The following RAB31 variants were observed in gnomAD, a reference collection of about 807,000 sequenced individuals.
RAB31 encodes RAB31, member RAS oncogene family, also known as ras-related protein Rab-31.
RAB31 carries 21 observed loss-of-function variants against 25.6 expected under a neutral mutation model. The ratio of observed to expected loss-of-function variants is 0.82; its 90% CI spans 0.58 to 1.18. The LOEUF is 1.18. RAB31 is among the 50% of genes most tolerant of loss of function. The probability of loss-of-function intolerance (pLI) is 0.00; values close to 1 mark genes in which losing one functional copy is unlikely to be tolerated. For synonymous variants in RAB31, 87 were observed against 84.0 expected, an observed-to-expected ratio of 1.04 and a Z score of -0.20; for missense variants, 196 against 250.1, an observed-to-expected ratio of 0.78 and a Z score of 1.46.
rs921518721 is a variant in RAB31 at position 9,777,664 on chromosome 18, G to T, written c.119+2307G>T. ...ATAAGAGTGATTAACTGTGAAGTAT[G>T]GTTCCAGAAGATGGAGGAGAGATTT... On this transcript the variant is annotated intron_variant, in intron 2 of 6. Coordinates refer to ENST00000578921, the MANE Select transcript of RAB31 (RefSeq NM_006868.4). Among the ~76,000 whole-genome samples, 5 of 152,006 alleles carry T rather than the reference G, an allele frequency of 3.3e-5. No individual in the cohort carries two copies. In the East Asian group the frequency reaches 5.8e-4, roughly 18 times the overall value.
At position 9,831,712 on chromosome 18, in the gene RAB31, G is replaced by A. The variant is rs9304046; in HGVS notation, c.381-13870G>A. ...GGAGTGGCCTGAGCTGGGGACTGCC[G>A]TGAACTCTTTCCACTCCCCAAGGCA... On this transcript the variant is annotated intron_variant, in intron 5 of 6. Coordinates refer to ENST00000578921, the MANE Select transcript of RAB31 (RefSeq NM_006868.4). Among the ~76,000 whole-genome samples, 271 of 152,352 alleles carry A rather than the reference G, an allele frequency of 1.8e-3. 1 individual carries two copies. Among genetic ancestry groups the A allele is most frequent in the African/African-American group, 5.9e-3 (245 of 41,580 alleles).
At position 9,790,470 on chromosome 18, in the gene RAB31, A is replaced by G. The variant is rs995780026; in HGVS notation, c.120-1684A>G. On this transcript the variant is annotated intron_variant, in intron 2 of 6. Transcript: ENST00000578921. ...AAGCTGGTCTCGAAACCCTGGCCTCAAGCCATCCTCCTGCTTCAGCTTCCC... is the reference window on the plus strand; with the variant it reads ...AAGCTGGTCTCGAAACCCTGGCCTCGAGCCATCCTCCTGCTTCAGCTTCCC... 5.9e-5 allele frequency among the ~76,000 whole-genome samples: 9 copies of G among 152,080 alleles called. No individual in the cohort carries two copies. The East Asian group carries it at 1.5e-3, about 26-fold the overall frequency.
At chr18:9,782,806 C>G (rs2068411951) in intron 2 of RAB31, among the ~76,000 whole-genome samples, 1 of 152,190 alleles carries the variant, frequency 6.6e-6, no homozygotes, top group Non-Finnish European at 1.5e-5. Context: ...AAGTGATCCT[C>G]CCACCTTAGC....
chr18:9,839,282 T>C (rs915237489), intron 5 of RAB31, among the ~76,000 whole-genome samples: 19 of 152,156 alleles, frequency 1.2e-4, no homozygotes, highest in African/African-American at 4.3e-4. Context: ...CACCAGCAGC[T>C]GATTTAAAAT....
chr18:9,729,079 C>A (rs1377536863), intron 1 of RAB31, among the ~76,000 whole-genome samples: 1 of 152,088 alleles, frequency 6.6e-6, no homozygotes, highest in Non-Finnish European at 1.5e-5. Flanking sequence ...ATTTGTATTG[C>A]ATATGTTTTT....
chr18:9,748,360 G>C (rs1487373195), intron 1 of RAB31, among the ~76,000 whole-genome samples: 1 of 151,762 alleles, frequency 6.6e-6, no homozygotes, highest in Non-Finnish European at 1.5e-5. Context: ...ATAATAATTA[G>C]CCAGGCATGG....
intron 3 of RAB31, among the ~76,000 whole-genome samples, chr18:9,792,592 C>T (rs2068466406): frequency 1.3e-5 from 2 of 152,220 alleles, no homozygotes; most frequent in Admixed American, 1.3e-4. Flanking sequence ...AAAAGCATCT[C>T]TACACCTACC....
chr18:9,738,006 G>C (rs2068159210), intron 1 of RAB31, among the ~76,000 whole-genome samples: 1 of 152,172 alleles, frequency 6.6e-6, no homozygotes, highest in African/African-American at 2.4e-5. Context: ...TTTAAATGAT[G>C]CTTGCTGCTG....
chr18:9,745,346 C>T (rs1025638875), intron 1 of RAB31, among the ~76,000 whole-genome samples: 1 of 152,172 alleles, frequency 6.6e-6, no homozygotes, highest in Non-Finnish European at 1.5e-5. Flanking sequence ...GATCGCTCTA[C>T]TGGTAAATTC....
chr18:9,773,039 C>CTGTG (rs931872780), intron 1 of RAB31, among the ~76,000 whole-genome samples: 1 of 152,146 alleles, frequency 6.6e-6, no homozygotes, highest in African/African-American at 2.4e-5. Flanking sequence ...TCTTTGAACT[C>CTGTG]TGTGCATCGA....
rs1003440387 is a variant in RAB31, at chr18:9,860,142, C to G, written c.*817C>G. The G allele has an allele frequency of 2.0e-5, 3 of 152,164 alleles. No homozygotes were observed. Among genetic ancestry groups the G allele is most frequent in the African/African-American group, 7.2e-5 (3 of 41,440 alleles). 9.4% of individuals were successfully genotyped at this position (152,164 alleles called of 1,614,324 possible). A position where few individuals can be genotyped will look rare whatever the true frequency, so the allele number is the denominator to read the frequency against. ...TCTCCTCCGCAGGAATACATTCGTC[C>G]TCTCTTAGAGAAGTTTAACGCACAT... On this transcript the variant is annotated 3_prime_UTR_variant, in exon 7 of 7. Coordinates refer to ENST00000578921, the MANE Select transcript of RAB31 (RefSeq NM_006868.4).
intron 2 of RAB31, among the ~76,000 whole-genome samples, chr18:9,791,027 C>T (rs951746623): frequency 6.6e-6 from 1 of 152,140 alleles, no homozygotes. Context: ...TCTACTGAGG[C>T]TTTAAAATCC....
intron 5 of RAB31, among the ~76,000 whole-genome samples, chr18:9,843,683 A>G (rs2068746086): frequency 6.6e-6 from 1 of 152,064 alleles, no homozygotes; most frequent in African/African-American, 2.4e-5. Context: ...AATCCCTGTG[A>G]CAGGCCTGGG....
At chr18:9,752,449 T>G (rs933263421) in intron 1 of RAB31, among the ~76,000 whole-genome samples, 1 of 152,164 alleles carries the variant, frequency 6.6e-6, no homozygotes, top group East Asian at 1.9e-4. Flanking sequence ...GGTCTCGAAC[T>G]TATGACCTCA....
Position 9,814,539 on chromosome 18 carries a change from T to G in RAB31, c.273+448T>G, listed in dbSNP as rs566798669. The G allele has an allele frequency of 4.5e-4, 72 of 158,302 alleles. 1 individual carries two copies. Among genetic ancestry groups the G allele is most frequent in the Non-Finnish European group, 8.4e-4 (60 of 71,468 alleles). The allele number at this position is 158,302 out of a possible 1,614,324, so 9.8% of individuals were successfully genotyped here. On this transcript the variant is annotated intron_variant, in intron 4 of 6. Coordinates refer to ENST00000578921, the MANE Select transcript of RAB31 (RefSeq NM_006868.4). ...AAGGTCTTAGACTTCCATCAACAAA[T>G]AACCGCAGTAGTTTGATGACATTTT...
At chr18:9,819,781 CTTTTG>C (rs1388271581) in intron 5 of RAB31, among the ~76,000 whole-genome samples, 1 of 151,806 alleles carries the variant, frequency 6.6e-6, no homozygotes, top group Non-Finnish European at 1.5e-5. Flanking sequence ...ACAAGTCTTG[CTTTTG>C]TTTTATTTAT....
chr18:9,720,477 G>A (rs1312675143), intron 1 of RAB31, among the ~76,000 whole-genome samples: 1 of 152,086 alleles, frequency 6.6e-6, no homozygotes, highest in Admixed American at 6.6e-5. Flanking sequence ...ACCAGGGAGA[G>A]CGTGTGGTGT....
chr18:9,772,118 G>T (rs1403405233), intron 1 of RAB31, among the ~76,000 whole-genome samples: 1 of 152,180 alleles, frequency 6.6e-6, no homozygotes, highest in Non-Finnish European at 1.5e-5. Flanking sequence ...TTGCAGGATT[G>T]ATTTGTTGGC....
chr18:9,769,599 G>A (rs1219839175), intron 1 of RAB31, among the ~76,000 whole-genome samples: 1 of 152,200 alleles, frequency 6.6e-6, no homozygotes, highest in Non-Finnish European at 1.5e-5. Context: ...CTGAGACAAT[G>A]GGGTTTTCTA....
Sources: gnomAD v4.1 joint callset for allele counts (sites outside exome capture counted in the v4.1 genomes callset) on GRCh38, gnomAD v4.1.1 for gene constraint, MANE v1.5 for transcripts, NCBI Gene and HGNC (gene_info 2026-07-23, HGNC 2026-07-21) for gene names.